Variants in NUCKS1 observed in about 807,000 individuals in gnomAD.
NUCKS1 encodes the protein nuclear ubiquitous casein and cyclin-dependent kinase substrate 1.
A neutral mutation model predicts 33.0 loss-of-function variants in NUCKS1; 2 were observed. The observed-to-expected ratio is 0.06, with a 90% CI of 0.02 to 0.19. The LOEUF (loss-of-function observed/expected upper bound fraction) is 0.19. Among genes scored for constraint, NUCKS1 ranks in the 10% least tolerant of loss-of-function variants. The pLI is 1.00. For synonymous variants in NUCKS1, 106 were observed against 102.8 expected, an observed-to-expected ratio of 1.03 and a Z score of -0.19; for missense variants, 201 against 293.6, an observed-to-expected ratio of 0.68 and a Z score of 2.31.
At chr1:205,719,137 A>G (rs753704110) in intron 6 of NUCKS1, among the ~76,000 whole-genome samples, 1 of 152,224 alleles carries the variant, frequency 6.6e-6, no homozygotes, top group Non-Finnish European at 1.5e-5. Context: ...GTGGAACTTA[A>G]ACGTATTACT....
chr1:205,717,347 AG>A lies in NUCKS1; in HGVS notation c.*932del. 1 of 987,364 alleles carries A rather than the reference AG, an allele frequency of 1.0e-6. No homozygotes were observed. The highest frequency in any genetic ancestry group is 1.2e-6 in the Non-Finnish European group (1 of 829,980). 61.2% of individuals were successfully genotyped at this position (987,364 alleles called of 1,614,324 possible). A position where few individuals can be genotyped will look rare whatever the true frequency, so the allele number is the denominator to read the frequency against. On this transcript the variant is annotated 3_prime_UTR_variant, in exon 7 of 7. Transcript: ENST00000367142. The stretch of plus-strand genomic sequence containing the variant: ...AAACCTAAACATTGTCAGTTTGAAA[AG>A]AAATCCACTGTGACCTGTAGACTGA...
chr1:205,749,812 G>T, intron 1 of NUCKS1, 145 bp downstream of exon 1: 1 of 811,222 alleles, frequency 1.2e-6, no homozygotes, highest in Non-Finnish European at 1.9e-6. Context: ...GGCCCCCCAC[G>T]CTCAAGGGTG....
rs1284843829 is a variant in NUCKS1 at position 205,715,421 on chromosome 1, G to A, written c.*2859C>T. The A allele has an allele frequency of 2.0e-5, 3 of 152,168 alleles. No individual in the cohort carries two copies. Among genetic ancestry groups the A allele is most frequent in the African/African-American group, 7.2e-5 (3 of 41,440 alleles). The allele number at this position is 152,168 out of a possible 1,614,324, so 9.4% of individuals were successfully genotyped here. On this transcript the variant is annotated 3_prime_UTR_variant, in exon 7 of 7. Transcript: ENST00000367142. Reference sequence around the variant, plus strand: ...AATATGGAGTGGAAATATGAAATGAGGAGATGTTTTAGAAAGCAGGACAAA... The same window carrying A: ...AATATGGAGTGGAAATATGAAATGAAGAGATGTTTTAGAAAGCAGGACAAA...
intron 3 of NUCKS1, 145 bp downstream of exon 3, chr1:205,727,555 A>C: frequency 1.5e-6 from 1 of 649,916 alleles, no homozygotes; most frequent in Non-Finnish European, 2.8e-6. Flanking sequence ...GCACAGCCTG[A>C]GATAATATGA....
intron 4 of NUCKS1, among the ~76,000 whole-genome samples, chr1:205,720,965 T>C (rs1324944871): frequency 6.6e-6 from 1 of 152,046 alleles, no homozygotes; most frequent in African/African-American, 2.4e-5. Context: ...TGCAGGGACA[T>C]GGATGGAGCT....
intron 1 of NUCKS1, among the ~76,000 whole-genome samples, chr1:205,741,600 G>C (rs1654177607): frequency 6.6e-6 from 1 of 152,142 alleles, no homozygotes; most frequent in African/African-American, 2.4e-5. Context: ...TAGGTTTATT[G>C]ACTGAATACA....
At chr1:205,721,787 G>A (rs1671922290) in intron 4 of NUCKS1, among the ~76,000 whole-genome samples, 1 of 151,436 alleles carries the variant, frequency 6.6e-6, no homozygotes, top group Admixed American at 6.6e-5. Context: ...CGATTCTCCT[G>A]CCTCACCCTC....
In NUCKS1 at chr1:205,715,899, G is replaced by A. The variant is rs935359382; in HGVS notation, c.*2381C>T. 1.3e-5 allele frequency: 2 copies of A among 152,200 alleles called. No individual in the cohort carries two copies. The highest frequency in any genetic ancestry group is 4.1e-4 in the South Asian group (2 of 4,830). 9.4% of individuals were successfully genotyped at this position (152,200 alleles called of 1,614,324 possible). A position where few individuals can be genotyped will look rare whatever the true frequency, so the allele number is the denominator to read the frequency against. On this transcript the variant is annotated 3_prime_UTR_variant, in exon 7 of 7. Transcript: ENST00000367142. ...GACTATTGAGCACCTGTATCCAGTT[G>A]AGTCACCACCACTGTCCTCCTATTT...
intron 1 of NUCKS1, among the ~76,000 whole-genome samples, chr1:205,744,630 G>GTTTTTTTTTTTTTTTTT (rs10672842): frequency 2.3e-5 from 2 of 87,786 alleles, no homozygotes; most frequent in Non-Finnish European, 2.0e-5. Context: ...GTTCACTAGA[G>GTTTTTTTTTTTTTTTTT]TTTTTTTTTT....
intron 2 of NUCKS1, among the ~76,000 whole-genome samples, chr1:205,728,160 A>G (rs534648129): frequency 2.3e-4 from 35 of 152,326 alleles, no homozygotes; most frequent in African/African-American, 7.9e-4. Context: ...CACAATTACT[A>G]TTACTAAGCA....
chr1:205,749,368 C>G (rs904323936), intron 1 of NUCKS1, among the ~76,000 whole-genome samples: 2 of 152,242 alleles, frequency 1.3e-5, no homozygotes, highest in Non-Finnish European at 2.9e-5. Flanking sequence ...ACGCTCGGCC[C>G]GATCCGGGAG....
intron 3 of NUCKS1, among the ~76,000 whole-genome samples, chr1:205,725,151 GGATTACAAGCGT>G (rs1306496019): frequency 6.6e-6 from 1 of 152,098 alleles, no homozygotes; most frequent in Non-Finnish European, 1.5e-5. Context: ...CAAAGTGCTG[GGATTACAAGCGT>G]GAGCCACCAT....
Position 205,727,734 on chromosome 1 carries a change from T to C in NUCKS1, c.139A>G (p.Lys47Glu), listed in dbSNP as rs555533146. ...TGTGAATTCTTTCCAGATCGCCTCTTATTTTTAGCTTCTCGGGGAGATGAT... is the reference window on the plus strand; with the variant it reads ...TGTGAATTCTTTCCAGATCGCCTCTCATTTTTAGCTTCTCGGGGAGATGAT... ...IRSSPREAKN[K>E]RRSGKNSQED... Residue 47 changes from lysine to glutamate, a missense_variant, in exon 3 of 7, where the codon AAG (lysine) becomes GAG (glutamate). Lys to Glu is a moderately conservative substitution (Grantham distance 56). Transcript: ENST00000367142. 5 of 1,613,628 alleles carry C rather than the reference T, an allele frequency of 3.1e-6. No homozygotes were observed. Among genetic ancestry groups the C allele is most frequent in the African/African-American group, 1.3e-5 (1 of 74,920 alleles).
At position 205,718,427 on chromosome 1, in the gene NUCKS1, T is replaced by G; in HGVS notation, c.585A>C (p.Ser195=). ...AAGGAGTCTTTTCCTTTGATGCCTT[T>G]GAAGCTGTGGGGCGACCCACTTTCC... ...GKGKVGRPTA[S]KASKEKTPSP... is the part of the protein sequence containing the mutation. The change falls in exon 7 of 7, where the codon TCA becomes TCC. Residue 195 remains serine (S), a synonymous_variant. Coordinates refer to ENST00000367142, the MANE Select transcript of NUCKS1 (RefSeq NM_022731.5). 6.2e-7 allele frequency: 1 copy of G among 1,612,984 alleles called. No individual in the cohort carries two copies. The highest frequency in any genetic ancestry group is 8.5e-7 in the Non-Finnish European group (1 of 1,179,922).
chr1:205,734,526 G>A (rs1653987702), intron 1 of NUCKS1, among the ~76,000 whole-genome samples: 1 of 151,710 alleles, frequency 6.6e-6, no homozygotes, highest in South Asian at 2.1e-4. Context: ...TGCTAAAGAG[G>A]GAAAAGATAA....
chr1:205,718,218 CTCTTTTT>C lies in NUCKS1; in HGVS notation c.*55_*61del, dbSNP rs1671860764. The C allele has an allele frequency of 6.7e-7, 1 of 1,502,376 alleles. No homozygotes were observed. Among genetic ancestry groups the C allele is most frequent in the Non-Finnish European group, 8.8e-7 (1 of 1,132,504 alleles). The allele number at this position is 1,502,376 out of a possible 1,614,324, so 93.1% of individuals were successfully genotyped here. On this transcript the variant is annotated 3_prime_UTR_variant, in exon 7 of 7. Coordinates refer to ENST00000367142, the MANE Select transcript of NUCKS1 (RefSeq NM_022731.5). Reference sequence around the variant, plus strand: ...TTAAGTAGGTTCTTTTTTTTCCTCCCTCTTTTTTCTTTTTTTTTCTTTTTTTTTTTAA... The same window carrying C: ...TTAAGTAGGTTCTTTTTTTTCCTCCCTCTTTTTTTTTCTTTTTTTTTTTAA...
At position 205,722,834 on chromosome 1, in the gene NUCKS1, A is replaced by G. The variant is rs542425045; in HGVS notation, c.229+1092T>C. ...CTTTTCTGAAAACACTTCTAGTCCCATGAGCCTTGCCATAGTCAGTGTTCA... is the reference window on the plus strand; with the variant it reads ...CTTTTCTGAAAACACTTCTAGTCCCGTGAGCCTTGCCATAGTCAGTGTTCA... On this transcript the variant is annotated intron_variant, in intron 4 of 6. Coordinates refer to ENST00000367142, the MANE Select transcript of NUCKS1 (RefSeq NM_022731.5). Among the ~76,000 whole-genome samples, 8 of 152,364 alleles carry G rather than the reference A, an allele frequency of 5.3e-5. No individual in the cohort carries two copies. In the East Asian group the frequency reaches 1.5e-3, roughly 29 times the overall value.
Position 205,721,468 on chromosome 1 carries a change from A to T in NUCKS1, c.230-815T>A, listed in dbSNP as rs532637952. Among the ~76,000 whole-genome samples, 50 of 152,300 alleles carry T rather than the reference A, an allele frequency of 3.3e-4. No homozygotes were observed. In the South Asian group the frequency reaches 0.01, roughly 31 times the overall value. ...AAGTTACATCATTGCTTTGCTCTAC[A>T]ATTCTCAATTACATTCAAATCTATG... On this transcript the variant is annotated intron_variant, in intron 4 of 6. Transcript: ENST00000367142.
chr1:205,735,270 T>C (rs1235454112), intron 1 of NUCKS1, among the ~76,000 whole-genome samples: 1 of 152,238 alleles, frequency 6.6e-6, no homozygotes, highest in Non-Finnish European at 1.5e-5. Context: ...ATACCTACCA[T>C]TGTGTTACAA....
Sources: gnomAD v4.1 joint callset for allele counts (sites outside exome capture counted in the v4.1 genomes callset) on GRCh38, gnomAD v4.1.1 for gene constraint, MANE v1.5 for transcripts, NCBI Gene and HGNC (gene_info 2026-07-23, HGNC 2026-07-21) for gene names.